NR2F1-AS1: variants seen among roughly 807,000 people sequenced by gnomAD.
NR2F1-AS1 encodes the protein NR2F1 regulatory antisense RNA 1.
intron 4 of NR2F1-AS1, among the ~76,000 whole-genome samples, chr5:93,439,476 A>C (rs528003951): frequency 6.6e-6 from 1 of 152,090 alleles, no homozygotes; most frequent in Non-Finnish European, 1.5e-5. Flanking sequence ...TTGTATTTTT[A>C]GTAGAGACGG....
chr5:93,555,422 G>A (rs1487959520), intron 2 of NR2F1-AS1, among the ~76,000 whole-genome samples: 2 of 152,112 alleles, frequency 1.3e-5, no homozygotes, highest in Admixed American at 6.5e-5. Flanking sequence ...GGTACAAAAG[G>A]GCACATAATA....
At chr5:93,549,482 T>A (rs1752174164) in intron 4 of NR2F1-AS1, among the ~76,000 whole-genome samples, 1 of 152,174 alleles carries the variant, frequency 6.6e-6, no homozygotes. Context: ...TCTATGGTCC[T>A]TATATACACA....
intron 4 of NR2F1-AS1, chr5:93,495,962 T>TA (rs750839778): frequency 3.3e-5 from 5 of 152,122 alleles, no homozygotes; most frequent in Non-Finnish European, 7.4e-5. Context: ...TTATGGAAGA[T>TA]AGATGGTATT....
intron 4 of NR2F1-AS1, among the ~76,000 whole-genome samples, chr5:93,439,221 TTTC>T (rs1411981828): frequency 6.6e-6 from 1 of 152,262 alleles, no homozygotes; most frequent in Non-Finnish European, 1.5e-5. Context: ...GCAATATTAC[TTTC>T]TTGTTATTAG....
At chr5:93,518,369 A>G (rs1293534458) in intron 4 of NR2F1-AS1, among the ~76,000 whole-genome samples, 1 of 152,086 alleles carries the variant, frequency 6.6e-6, no homozygotes, top group African/African-American at 2.4e-5. Flanking sequence ...GATTACTACA[A>G]TTCTGGCTTT....
intron 4 of NR2F1-AS1, among the ~76,000 whole-genome samples, chr5:93,431,369 T>G (rs994369190): frequency 4.6e-5 from 7 of 152,168 alleles, no homozygotes; most frequent in African/African-American, 1.7e-4. Context: ...ACACAAGCTT[T>G]GAAAATAGAC....
At chr5:93,501,316 G>A (rs1222064343) in intron 4 of NR2F1-AS1, among the ~76,000 whole-genome samples, 5 of 88,308 alleles carry the variant, frequency 5.7e-5, no homozygotes, top group African/African-American at 2.6e-4. Flanking sequence ...TTTTAGTAAG[G>A]TTTTTGTTGT....
intron 1 of NR2F1-AS1, chr5:93,570,641 G>A (rs1752733618): frequency 6.6e-6 from 1 of 152,178 alleles, no homozygotes; most frequent in Admixed American, 6.5e-5. Flanking sequence ...GAATGCCCCC[G>A]GCGCAGGCCC....
chr5:93,562,195 A>G (rs113907143), intron 2 of NR2F1-AS1, among the ~76,000 whole-genome samples: 24 of 136,724 alleles, frequency 1.8e-4, no homozygotes, highest in East Asian at 4.0e-4. Context: ...AAAAAAAAAA[A>G]AAAAGAAAAG....
chr5:93,563,974 C>T (rs950178658), intron 1 of NR2F1-AS1, among the ~76,000 whole-genome samples: 1 of 151,246 alleles, frequency 6.6e-6, no homozygotes, highest in African/African-American at 2.4e-5. Context: ...TAGTGGCTGG[C>T]GCCTGTAGTT....
At chr5:93,516,561 A>G (rs1751404751) in intron 4 of NR2F1-AS1, among the ~76,000 whole-genome samples, 2 of 152,048 alleles carry the variant, frequency 1.3e-5, no homozygotes, top group South Asian at 4.1e-4. Context: ...CAACAACCCT[A>G]TAAGTTATAT....
intron 4 of NR2F1-AS1, among the ~76,000 whole-genome samples, chr5:93,518,561 C>T (rs1751442079): frequency 6.6e-6 from 1 of 151,876 alleles, no homozygotes; most frequent in Non-Finnish European, 1.5e-5. Flanking sequence ...TTTTTATTTC[C>T]AAGATGATAC....
chr5:93,506,943 T>G (rs1470145343), intron 4 of NR2F1-AS1, among the ~76,000 whole-genome samples: 1 of 152,194 alleles, frequency 6.6e-6, no homozygotes, highest in Non-Finnish European at 1.5e-5. Context: ...TCAAGCAAAG[T>G]GTGTCCATCT....
chr5:93,564,134 A>AC (rs1752562338), intron 1 of NR2F1-AS1, among the ~76,000 whole-genome samples: 2 of 120,578 alleles, frequency 1.7e-5, no homozygotes, highest in African/African-American at 7.8e-5. Flanking sequence ...AAAAAAAAAA[A>AC]AAAAAAAAAA....
chr5:93,566,639 AC>A (rs1398948267), intron 1 of NR2F1-AS1, among the ~76,000 whole-genome samples: 4 of 152,058 alleles, frequency 2.6e-5, no homozygotes, highest in African/African-American at 9.7e-5. Flanking sequence ...TTTTTTAAGT[AC>A]CAGTATAAAT....
intron 4 of NR2F1-AS1, among the ~76,000 whole-genome samples, chr5:93,529,070 TGAA>T (rs994849267): frequency 6.6e-6 from 1 of 152,020 alleles, no homozygotes; most frequent in African/African-American, 2.4e-5. Flanking sequence ...ATGTGAGTAA[TGAA>T]GAAGAAAAAT....
At chr5:93,576,315 T>C (rs551613096) in intron 1 of NR2F1-AS1, among the ~76,000 whole-genome samples, 20 of 152,326 alleles carry the variant, frequency 1.3e-4, no homozygotes, top group African/African-American at 4.8e-4. Context: ...CCCCCAAAGA[T>C]GGGCTAGGTT....
chr5:93,509,048 T>C (rs967720347), intron 4 of NR2F1-AS1, among the ~76,000 whole-genome samples: 2 of 152,080 alleles, frequency 1.3e-5, no homozygotes, highest in African/African-American at 4.8e-5. Flanking sequence ...GATAAAAGTG[T>C]TCCTTACAGC....
Position 93,572,929 on chromosome 5 carries a change from C to G in NR2F1-AS1, n.313+7538G>C, listed in dbSNP as rs1198412146. ...CGGATCCTCCGCTTCCCGCGACTGC[C>G]GGAGTCGCGCTGGACTAGGCTGACC... On this transcript the variant is annotated intron_variant and non_coding_transcript_variant, in intron 1 of 5. Transcript: ENST00000660523. Among the ~76,000 whole-genome samples the G allele has an allele frequency of 2.0e-5, 3 of 152,224 alleles. No individual in the cohort carries two copies. The East Asian group carries it at 5.8e-4, about 29-fold the overall frequency.
Sources: gnomAD v4.1 joint callset for allele counts (sites outside exome capture counted in the v4.1 genomes callset) on GRCh38, gnomAD v4.1.1 for gene constraint, MANE v1.5 for transcripts, NCBI Gene and HGNC (gene_info 2026-07-23, HGNC 2026-07-21) for gene names.